GABRB1: variants seen among roughly 807,000 people sequenced by gnomAD.
The protein encoded by GABRB1 is gamma-aminobutyric acid type A receptor subunit beta1.
GABRB1 carries 17 observed loss-of-function variants against 51.6 expected under a neutral mutation model. The observed-to-expected ratio is 0.33, with a 90% CI of 0.23 to 0.49. GABRB1 has a LOEUF of 0.49. Ranked by LOEUF, GABRB1 falls within the 20% of genes least tolerant of loss-of-function variation. GABRB1 has a pLI of 0.99. For missense variants in GABRB1, 410 were observed against 600.6 expected (o/e 0.68, Z 3.32); for synonymous variants, 247 against 218.9 (o/e 1.13, Z -1.14).
intron 4 of GABRB1, among the ~76,000 whole-genome samples, chr4:47,312,667 C>A (rs1208954627): frequency 6.6e-6 from 1 of 152,068 alleles, no homozygotes; most frequent in Admixed American, 6.6e-5. Context: ...TCACATTTTT[C>A]TTTCATACAG....
chr4:47,102,478 G>A (rs1314950871), intron 3 of GABRB1, among the ~76,000 whole-genome samples: 1 of 152,000 alleles, frequency 6.6e-6, no homozygotes, highest in Non-Finnish European at 1.5e-5. Context: ...AGAGTGCAAA[G>A]AGCAATGGGA....
chr4:47,131,591 T>G (rs1716421486), intron 3 of GABRB1, among the ~76,000 whole-genome samples: 1 of 152,178 alleles, frequency 6.6e-6, no homozygotes, highest in Non-Finnish European at 1.5e-5. Context: ...TTAATATCAT[T>G]GTCTCTTTCT....
chr4:47,088,127 A>G (rs189299648), intron 3 of GABRB1, among the ~76,000 whole-genome samples: 34 of 152,354 alleles, frequency 2.2e-4, no homozygotes, highest in African/African-American at 8.2e-4. Context: ...GAAACACTTC[A>G]AAAGTAGAAA....
intron 3 of GABRB1, among the ~76,000 whole-genome samples, chr4:47,051,752 G>A (rs7699999): frequency 0.51 from 77,327 of 151,974 alleles, 19,871 homozygotes; most frequent in African/African-American, 0.54. Flanking sequence ...GGAAAGCACT[G>A]GACTTTTAAT....
In GABRB1 at chr4:47,158,664, A is replaced by C. The variant is rs114624823; in HGVS notation, c.241-2585A>C. Among the ~76,000 whole-genome samples the C allele has an allele frequency of 1.6e-3, 244 of 152,140 alleles. 2 individuals are homozygous for C. The highest frequency in any genetic ancestry group is 3.0e-3 in the Non-Finnish European group (203 of 67,992). ...ACACTATGACTGTGGTTGATACTTA[A>C]TTTTCCTATACTGGCTGAATTATAA... On this transcript the variant is annotated intron_variant, in intron 3 of 8. Transcript: ENST00000295454.
intron 4 of GABRB1, among the ~76,000 whole-genome samples, chr4:47,210,240 C>T (rs1242884798): frequency 6.6e-6 from 1 of 152,052 alleles, no homozygotes; most frequent in African/African-American, 2.4e-5. Flanking sequence ...GTTTTTGACC[C>T]ACTCAATTCC....
At chr4:47,196,774 A>G (rs2109791329) in intron 4 of GABRB1, among the ~76,000 whole-genome samples, 1 of 152,368 alleles carries the variant, frequency 6.6e-6, no homozygotes, top group South Asian at 2.1e-4. Flanking sequence ...TAAAAATTCA[A>G]GTGTTTTCTA....
At chr4:47,419,633 G>A (rs1729035813) in intron 8 of GABRB1, among the ~76,000 whole-genome samples, 1 of 152,192 alleles carries the variant, frequency 6.6e-6, no homozygotes, top group South Asian at 2.1e-4. Context: ...TAAAATGAGG[G>A]CCATGATGTT....
At chr4:47,373,102 C>T (rs566153687) in intron 5 of GABRB1, among the ~76,000 whole-genome samples, 2 of 152,278 alleles carry the variant, frequency 1.3e-5, no homozygotes, top group Non-Finnish European at 2.9e-5. Context: ...CTAAGTGTCC[C>T]TTCCTTGCAG....
intron 4 of GABRB1, among the ~76,000 whole-genome samples, chr4:47,285,296 T>C (rs1160021561): frequency 6.6e-6 from 1 of 152,212 alleles, no homozygotes; most frequent in African/African-American, 2.4e-5. Context: ...CTCTAGATCA[T>C]GCTCTCATGA....
At chr4:47,176,845 G>A (rs966592787) in intron 4 of GABRB1, among the ~76,000 whole-genome samples, 2 of 152,116 alleles carry the variant, frequency 1.3e-5, no homozygotes, top group African/African-American at 2.4e-5. Context: ...GAACAGATGG[G>A]TCCATGTGGT....
intron 3 of GABRB1, among the ~76,000 whole-genome samples, chr4:47,105,173 T>C (rs1465117295): frequency 1.3e-5 from 2 of 152,110 alleles, no homozygotes; most frequent in African/African-American, 4.8e-5. Context: ...CATCATTGTC[T>C]TTATTTTTGT....
intron 4 of GABRB1, among the ~76,000 whole-genome samples, chr4:47,263,821 T>C (rs1297516418): frequency 1.3e-5 from 2 of 152,112 alleles, no homozygotes; most frequent in African/African-American, 4.8e-5. Context: ...ATGATAACAT[T>C]CCTTAGAACT....
intron 5 of GABRB1, among the ~76,000 whole-genome samples, chr4:47,350,210 TATATATATAGAGAGAG>T (rs1448494128): frequency 1.1e-5 from 1 of 88,814 alleles, no homozygotes; most frequent in Non-Finnish European, 2.1e-5. Flanking sequence ...TATATATATA[TATATATATAGAGAGAG>T]AGAGAGAGAG....
rs557974814 is a variant in GABRB1 at position 47,061,738 on chromosome 4, G to T, written c.240+29254G>T. Among the ~76,000 whole-genome samples the T allele has an allele frequency of 3.3e-5, 5 of 152,168 alleles. No individual in the cohort carries two copies. The East Asian group carries it at 9.7e-4, about 29-fold the overall frequency. Reference sequence around the variant, plus strand: ...TCTTCAAAGTAATTCCTCTGTGGGGGGTGGTCTTCTTAGAATCTAATTTTA... The same window carrying T: ...TCTTCAAAGTAATTCCTCTGTGGGGTGTGGTCTTCTTAGAATCTAATTTTA... On this transcript the variant is annotated intron_variant, in intron 3 of 8. Transcript: ENST00000295454.
chr4:47,224,811 A>G (rs902580328), intron 4 of GABRB1, among the ~76,000 whole-genome samples: 9 of 152,140 alleles, frequency 5.9e-5, no homozygotes, highest in Non-Finnish European at 1.2e-4. Context: ...TCTTTAATAA[A>G]TGTTCTTCCT....
At chr4:47,198,472 A>T (rs1017387310) in intron 4 of GABRB1, among the ~76,000 whole-genome samples, 2 of 152,224 alleles carry the variant, frequency 1.3e-5, no homozygotes, top group African/African-American at 2.4e-5. Context: ...ATGAGGGCTC[A>T]GAAGGATGCT....
chr4:47,336,108 C>T (rs1725688725), intron 5 of GABRB1, among the ~76,000 whole-genome samples: 1 of 152,142 alleles, frequency 6.6e-6, no homozygotes. Context: ...AAGTAGAGCC[C>T]AGATCAGTGT....
intron 5 of GABRB1, among the ~76,000 whole-genome samples, chr4:47,322,963 C>T (rs1725137711): frequency 7.3e-6 from 1 of 136,918 alleles, no homozygotes; most frequent in Admixed American, 7.7e-5. Context: ...AGTGAGACTC[C>T]ATTTCAAAAC....
Sources: allele counts gnomAD v4.1 joint callset (sites outside exome capture counted in the v4.1 genomes callset), GRCh38; gene constraint gnomAD v4.1.1; transcripts MANE v1.5; gene names NCBI Gene and HGNC (gene_info 2026-07-23, HGNC 2026-07-21).